MIER3: variants seen among roughly 807,000 people sequenced by gnomAD.
MIER3 encodes the protein mesoderm induction early response protein 3.
In MIER3, 9 loss-of-function variants were observed where a neutral mutation model predicts 63.2. The ratio of observed to expected loss-of-function variants is 0.14; its 90% CI spans 0.09 to 0.25. The LOEUF is 0.25. Ranked by LOEUF, MIER3 falls within the 10% of genes least tolerant of loss-of-function variation. The probability of loss-of-function intolerance (pLI) is 1.00; values close to 1 mark genes in which losing one functional copy is unlikely to be tolerated. For missense variants in MIER3, 512 were observed against 666.2 expected (o/e 0.77, Z 2.55); for synonymous variants, 205 against 224.9 (o/e 0.91, Z 0.79).
At chr5:56,946,555 G>C (rs1449499771) in intron 3 of MIER3, among the ~76,000 whole-genome samples, 1 of 152,066 alleles carries the variant, frequency 6.6e-6, no homozygotes, top group Non-Finnish European at 1.5e-5. Flanking sequence ...GCTTCTCTCT[G>C]TATCTACTAC....
At chr5:56,946,372 T>C (rs1000215380) in intron 3 of MIER3, among the ~76,000 whole-genome samples, 12 of 152,188 alleles carry the variant, frequency 7.9e-5, no homozygotes, top group African/African-American at 2.7e-4. Context: ...TGAATTTATA[T>C]TGACTTGGGG....
At chr5:56,936,693 A>T (rs1404203070) in intron 5 of MIER3, among the ~76,000 whole-genome samples, 1 of 151,672 alleles carries the variant, frequency 6.6e-6, no homozygotes, top group Admixed American at 6.6e-5. Flanking sequence ...TTATTTGAAA[A>T]TTTTTTTGTA....
At position 56,937,565 on chromosome 5, in the gene MIER3, C is replaced by G; in HGVS notation, c.436+13G>C. 1 of 1,591,960 alleles carries G rather than the reference C, an allele frequency of 6.3e-7. No individual in the cohort carries two copies. Among genetic ancestry groups the G allele is most frequent in the South Asian group, 1.1e-5 (1 of 87,226 alleles). ...AATGTTACTATTTATCAGTAATCCA[C>G]TGGGTTTCTTACATCGTAAAGGCCT... On this transcript the variant is annotated intron_variant, in intron 5 of 12. Coordinates refer to ENST00000381199, the MANE Select transcript of MIER3 (RefSeq NM_001297599.2).
Position 56,952,098 on chromosome 5 carries a change from G to A in MIER3, c.5C>T (p.Ala2Val). M[A>V]EASFGSSSPV... is the part of the protein sequence containing the mutation. ...CTGCCCGGTTTCCCTGCTCACCTCCGCCATATTGGTACCTTTAGGGCGAAC... is the reference window on the plus strand; with the variant it reads ...CTGCCCGGTTTCCCTGCTCACCTCCACCATATTGGTACCTTTAGGGCGAAC... Residue 2 changes from alanine (A) to valine (V), a missense_variant, in exon 1 of 13, where the codon GCG (alanine) becomes GTG (valine). Transcript: ENST00000381199. 1 of 1,306,818 alleles carries A rather than the reference G, an allele frequency of 7.7e-7. No homozygotes were observed. The highest frequency in any genetic ancestry group is 9.9e-7 in the Non-Finnish European group (1 of 1,009,976). 81.0% of individuals were successfully genotyped at this position (1,306,818 alleles called of 1,614,324 possible).
chr5:56,946,856 G>A, intron 3 of MIER3, 70 bp downstream of exon 3: 1 of 1,165,020 alleles, frequency 8.6e-7, no homozygotes, highest in Non-Finnish European at 1.2e-6. Flanking sequence ...ATTTCAGGTA[G>A]ATTATTTTTA....
chr5:56,937,795 G>C, intron 4 of MIER3, 97 bp from the exon 5 acceptor site: 1 of 1,017,650 alleles, frequency 9.8e-7, no homozygotes, highest in Non-Finnish European at 1.3e-6. Context: ...GAAGCAGTTG[G>C]AACCTTATGA....
At chr5:56,924,119 T>A in intron 10 of MIER3, 77 bp from the exon 11 acceptor site, 3 of 1,399,596 alleles carry the variant, frequency 2.1e-6, no homozygotes, top group Non-Finnish European at 3.0e-6. Flanking sequence ...TCCACAACAC[T>A]ACAACTTCAA....
intron 2 of MIER3, among the ~76,000 whole-genome samples, 189 bp downstream of exon 2, chr5:56,950,439 A>G (rs781420012): frequency 7.4e-6 from 1 of 135,292 alleles, no homozygotes; most frequent in Admixed American, 7.7e-5. Flanking sequence ...CTTTTTCAAC[A>G]TGCAAGAGAA....
chr5:56,929,862 G>A (rs978284090), intron 9 of MIER3, among the ~76,000 whole-genome samples: 12 of 152,098 alleles, frequency 7.9e-5, no homozygotes, highest in African/African-American at 2.9e-4. Flanking sequence ...CATTTGACAT[G>A]GGAGACCAGG....
At chr5:56,938,713 C>G (rs1243918741) in intron 4 of MIER3, 170 bp downstream of exon 4, 1 of 722,374 alleles carries the variant, frequency 1.4e-6, no homozygotes, top group Non-Finnish European at 2.2e-6. Flanking sequence ...TAATACTACT[C>G]TTAACATAGG....
At position 56,923,240 on chromosome 5, in the gene MIER3, C is replaced by T. The variant is rs767242426; in HGVS notation, c.1541G>A (p.Ser514Asn). The change falls in exon 13 of 13, where the codon AGT becomes AAT. Residue 514 changes from serine to asparagine, a missense_variant. Physicochemically the swap from Ser to Asn is conservative, Grantham distance 46 (BLOSUM62 1). Coordinates refer to ENST00000381199, the MANE Select transcript of MIER3 (RefSeq NM_001297599.2). The stretch of plus-strand genomic sequence containing the variant: ...AGCCACAGAAACAGCCATTTTGGCA[C>T]TGGTGATGTGATGTGTGTGATTTTC... ...DFENHTHHIT[S>N]AKMAVSVADF... is the part of the protein sequence containing the mutation. 1 of 1,613,968 alleles carries T rather than the reference C, an allele frequency of 6.2e-7. No individual in the cohort carries two copies. Among genetic ancestry groups the T allele is most frequent in the African/African-American group, 1.3e-5 (1 of 74,908 alleles).
intron 7 of MIER3, 91 bp from the exon 8 acceptor site, chr5:56,933,489 C>A (rs956452249): frequency 2.5e-6 from 3 of 1,212,550 alleles, no homozygotes; most frequent in Non-Finnish European, 3.4e-6. Flanking sequence ...GATTGGCTAT[C>A]CAGTGGGACA....
rs1441759657 is a variant in MIER3, at chr5:56,922,523, A to C, written c.*605T>G. 6.5e-6 allele frequency: 1 copy of C among 152,984 alleles called. No individual in the cohort carries two copies. Among genetic ancestry groups the C allele is most frequent in the African/African-American group, 2.4e-5 (1 of 41,458 alleles). The allele number at this position is 152,984 out of a possible 1,614,324, so 9.5% of individuals were successfully genotyped here. On this transcript the variant is annotated 3_prime_UTR_variant, in exon 13 of 13. Transcript: ENST00000381199. ...ATGGACTTGCTGTTTTGTAAACTGA[A>C]GTGCTCTAGTTGAATAACATGAGAG...
chr5:56,945,323 T>C (rs1750791191), intron 3 of MIER3, among the ~76,000 whole-genome samples: 1 of 151,878 alleles, frequency 6.6e-6, no homozygotes, highest in Admixed American at 6.6e-5. Flanking sequence ...AGTAGCCAGG[T>C]GTGGTGGTGG....
intron 1 of MIER3, among the ~76,000 whole-genome samples, chr5:56,951,682 T>C (rs1751037041): frequency 6.6e-6 from 1 of 151,330 alleles, no homozygotes; most frequent in African/African-American, 2.4e-5. Context: ...GCTCCCCTCT[T>C]TGCGATCCGG....
chr5:56,923,184 T>C lies in MIER3; in HGVS notation c.1597A>G (p.Asn533Asp), dbSNP rs1749758093. 6.2e-7 allele frequency: 1 copy of C among 1,613,922 alleles called. No homozygotes were observed. The highest frequency in any genetic ancestry group is 8.5e-7 in the Non-Finnish European group (1 of 1,179,992). Residue 533 changes from asparagine (N) to aspartate (D), a missense_variant, in exon 13 of 13, where the codon AAT becomes GAT. Asn to Asp is a conservative substitution (Grantham distance 23, BLOSUM62 1). Coordinates refer to ENST00000381199, the MANE Select transcript of MIER3 (RefSeq NM_001297599.2). ...AGAGCATGGGCACTGATGAAACCAT[T>C]GGTCTCGTTGGCAGAGAGACTGCCA... ...DFGSLSANET[N>D]GFISAHALHQ...
chr5:56,950,761 C>T, intron 1 of MIER3, 109 bp from the exon 2 acceptor site: 2 of 1,251,714 alleles, frequency 1.6e-6, no homozygotes, highest in Non-Finnish European at 2.3e-6. Context: ...CCGCAGCTGC[C>T]AAAAGTGCAA....
intron 1 of MIER3, among the ~76,000 whole-genome samples, chr5:56,951,283 G>C (rs928520312): frequency 1.3e-5 from 2 of 151,990 alleles, no homozygotes; most frequent in African/African-American, 4.8e-5. Flanking sequence ...TCCCTGGACC[G>C]TCAGCGCGCC....
In MIER3 at chr5:56,922,783, A is replaced by AT; in HGVS notation, c.*344_*345insA. On this transcript the variant is annotated 3_prime_UTR_variant, in exon 13 of 13. Transcript: ENST00000381199. ...GGTTTTGAGCTGGTGGCCTCTGTCT[A>AT]CAGGTTTTAAAATTGGGAGTGAGGG... is the stretch of plus-strand genomic sequence containing the variant. 1.9e-5 allele frequency: 5 copies of AT among 264,066 alleles called. No homozygotes were observed. The highest frequency in any genetic ancestry group is 5.6e-5 in the South Asian group (1 of 17,796). The allele number at this position is 264,066 out of a possible 1,614,324, so 16.4% of individuals were successfully genotyped here. A position where few individuals can be genotyped will look rare whatever the true frequency, so the allele number is the denominator to read the frequency against.
Sources: gnomAD v4.1 joint callset for allele counts (sites outside exome capture counted in the v4.1 genomes callset) on GRCh38, gnomAD v4.1.1 for gene constraint, MANE v1.5 for transcripts, NCBI Gene and HGNC (gene_info 2026-07-23, HGNC 2026-07-21) for gene names.